The following NTRK3 variants were observed in gnomAD, a reference collection of about 807,000 sequenced individuals.
The protein encoded by NTRK3 is neurotrophic receptor tyrosine kinase 3.
Under a neutral mutation model 91.7 loss-of-function variants are expected in NTRK3, and 24 were observed. The ratio of observed to expected loss-of-function variants is 0.26; its 90% CI spans 0.19 to 0.37. The LOEUF (loss-of-function observed/expected upper bound fraction) is 0.37, where lower values mean the gene tolerates loss of function less well. NTRK3 is among the 10% of genes least tolerant of loss of function. The pLI is 1.00. For missense variants in NTRK3, 880 were observed against 1,068.9 expected (o/e 0.82, Z 2.46); for synonymous variants, 483 against 404.0 (o/e 1.20, Z -2.34).
intron 13 of NTRK3, among the ~76,000 whole-genome samples, chr15:88,092,416 C>A (rs188371682): frequency 1.3e-5 from 2 of 152,304 alleles, no homozygotes; most frequent in East Asian, 3.9e-4. Flanking sequence ...CAGGTGAGAG[C>A]CCATACACAG....
At chr15:88,219,084 C>G (rs2050032559) in intron 3 of NTRK3, among the ~76,000 whole-genome samples, 1 of 152,226 alleles carries the variant, frequency 6.6e-6, no homozygotes, top group Non-Finnish European at 1.5e-5. Context: ...ATGTAAACAA[C>G]AATCTGCACG....
intron 3 of NTRK3, among the ~76,000 whole-genome samples, chr15:88,227,418 C>G (rs993897740): frequency 6.6e-5 from 10 of 152,156 alleles, no homozygotes; most frequent in African/African-American, 2.4e-4. Flanking sequence ...AATTAAGATA[C>G]AATGAGGTCA....
intron 13 of NTRK3, among the ~76,000 whole-genome samples, chr15:88,110,169 C>T (rs904966629): frequency 6.6e-6 from 1 of 152,048 alleles, no homozygotes; most frequent in Non-Finnish European, 1.5e-5. Flanking sequence ...ATCTTAGTGT[C>T]ATGGCATGGA....
chr15:87,876,833 G>T (rs2064967271), exon 19 of NTRK3: 1 of 1,315,770 alleles, frequency 7.6e-7, no homozygotes, highest in Non-Finnish European at 1.1e-6. Flanking sequence ...ATATGAAGAT[G>T]TTCGCTTCAG....
intron 15 of NTRK3, among the ~76,000 whole-genome samples, chr15:87,936,641 C>T (rs1335990641): frequency 2.0e-5 from 3 of 151,666 alleles, no homozygotes; most frequent in Non-Finnish European, 4.4e-5. Context: ...ATGATATACA[C>T]ACATTCCTAA....
intron 18 of NTRK3, among the ~76,000 whole-genome samples, chr15:87,879,759 A>T (rs531414337): frequency 6.6e-6 from 1 of 152,332 alleles, no homozygotes; most frequent in African/African-American, 2.4e-5. Flanking sequence ...AAACATAGTA[A>T]AAACATAGTA....
intron 5 of NTRK3, among the ~76,000 whole-genome samples, chr15:88,177,668 C>A (rs1389702610): frequency 6.6e-6 from 1 of 152,138 alleles, no homozygotes; most frequent in East Asian, 1.9e-4. Context: ...AAGGTTGACT[C>A]ATGACTGGGG....
intron 13 of NTRK3, among the ~76,000 whole-genome samples, chr15:88,049,583 C>A (rs1195479128): frequency 6.6e-6 from 1 of 152,160 alleles, no homozygotes; most frequent in African/African-American, 2.4e-5. Flanking sequence ...ATGTAGCAAG[C>A]CTTATCTGAA....
intron 16 of NTRK3, 82 bp downstream of exon 16, chr15:87,932,930 A>T (rs2068934385): frequency 7.5e-7 from 1 of 1,329,942 alleles, no homozygotes; most frequent in Non-Finnish European, 1.1e-6. Context: ...TAGAGGGGGT[A>T]GTATAATTTC....
intron 3 of NTRK3, among the ~76,000 whole-genome samples, chr15:88,186,861 T>C (rs1163032388): frequency 2.0e-5 from 3 of 152,146 alleles, no homozygotes; most frequent in Non-Finnish European, 4.4e-5. Context: ...TAGGAGCTGA[T>C]GGTCAAAATG....
intron 3 of NTRK3, among the ~76,000 whole-genome samples, chr15:88,204,242 A>G (rs2048543935): frequency 6.6e-6 from 1 of 152,132 alleles, no homozygotes; most frequent in Non-Finnish European, 1.5e-5. Context: ...AATCCCAACA[A>G]TCTAATGCCT....
At chr15:88,034,602 A>C (rs1337110936) in intron 13 of NTRK3, among the ~76,000 whole-genome samples, 5 of 152,344 alleles carry the variant, frequency 3.3e-5, no homozygotes, top group African/African-American at 1.2e-4. Flanking sequence ...CAGCTTGAAC[A>C]ATATTTCCAC....
intron 5 of NTRK3, among the ~76,000 whole-genome samples, chr15:88,163,143 C>T (rs1597696174): frequency 1.3e-5 from 2 of 152,234 alleles, no homozygotes; most frequent in Middle Eastern, 3.4e-3. Context: ...CCTCCAGGCT[C>T]CCAACTCATA....
At chr15:87,873,930 G>T (rs1279869489) in exon 19 of NTRK3, 8 of 230,410 alleles carry the variant, frequency 3.5e-5, no homozygotes, top group Admixed American at 1.1e-4. Context: ...ACCTATGCAA[G>T]GCTGTCCTGC....
intron 13 of NTRK3, among the ~76,000 whole-genome samples, chr15:88,058,689 C>T (rs1392281332): frequency 6.6e-6 from 1 of 152,156 alleles, no homozygotes; most frequent in Non-Finnish European, 1.5e-5. Context: ...ATATCCATCC[C>T]CATCTGTTGC....
rs2054087115 is a variant in NTRK3, at chr15:88,256,706, G to A, written c.-281C>T. 12 of 375,668 alleles carry A rather than the reference G, an allele frequency of 3.2e-5. No homozygotes were observed. In the East Asian group the frequency reaches 4.6e-4, roughly 14 times the overall value. 23.3% of individuals were successfully genotyped at this position (375,668 alleles called of 1,614,324 possible). A position where few individuals can be genotyped will look rare whatever the true frequency, so the allele number is the denominator to read the frequency against. On this transcript the variant is annotated 5_prime_UTR_variant, in exon 1 of 19. Transcript: ENST00000394480. ...AGGAGCTGCAGCAGCCGCCGCGAAT[G>A]GCTCGCCGCGCGGCTGCAGAAATGT...
intron 13 of NTRK3, among the ~76,000 whole-genome samples, chr15:88,091,717 G>A (rs2049035467): frequency 6.6e-6 from 1 of 152,134 alleles, no homozygotes; most frequent in Non-Finnish European, 1.5e-5. Flanking sequence ...ACACAAGGGT[G>A]GGAGATGACA....
At chr15:87,939,303 A>C (rs2069584911) in intron 15 of NTRK3, among the ~76,000 whole-genome samples, 1 of 152,194 alleles carries the variant, frequency 6.6e-6, no homozygotes, top group African/African-American at 2.4e-5. Context: ...TGCATTAAGA[A>C]TTTTAGACAC....
intron 17 of NTRK3, among the ~76,000 whole-genome samples, chr15:87,919,641 G>A (rs1391124628): frequency 6.6e-6 from 1 of 152,104 alleles, no homozygotes; most frequent in Non-Finnish European, 1.5e-5. Flanking sequence ...CCTCATCCTT[G>A]GAAAAATACA....
Sources: gnomAD v4.1 joint callset for allele counts (sites outside exome capture counted in the v4.1 genomes callset) on GRCh38, gnomAD v4.1.1 for gene constraint, MANE v1.5 for transcripts, NCBI Gene and HGNC (gene_info 2026-07-23, HGNC 2026-07-21) for gene names.